Variants in PEX14 observed in about 807,000 individuals in gnomAD.
PEX14 encodes peroxisomal biogenesis factor 14.
In PEX14, 15 loss-of-function variants were observed where a neutral mutation model predicts 49.5. The ratio of observed to expected loss-of-function variants is 0.30; its 90% CI spans 0.20 to 0.47. PEX14 has a LOEUF of 0.47. Ranked by LOEUF, PEX14 falls within the 20% of genes least tolerant of loss-of-function variation. The pLI is 1.00. For missense variants in PEX14, 398 were observed against 494.8 expected (o/e 0.80, Z 1.86); for synonymous variants, 210 against 212.7 (o/e 0.99, Z 0.11).
intron 1 of PEX14, among the ~76,000 whole-genome samples, chr1:10,482,851 G>A (rs1641305517): frequency 6.6e-6 from 1 of 152,190 alleles, no homozygotes; most frequent in Non-Finnish European, 1.5e-5. Context: ...CATTTCTGGT[G>A]AGTTCATCTA....
intron 2 of PEX14, among the ~76,000 whole-genome samples, chr1:10,508,150 AC>A (rs1641819580): frequency 6.6e-6 from 1 of 151,672 alleles, no homozygotes; most frequent in Non-Finnish European, 1.5e-5. Flanking sequence ...ATTCTAAATG[AC>A]TTATTTCAGA....
rs150403458 is a variant in PEX14 at position 10,559,606 on chromosome 1, C to T, written c.169+23309C>T. Among the ~76,000 whole-genome samples the T allele has an allele frequency of 9.0e-3, 1,365 of 152,156 alleles. 24 individuals are homozygous for T. The highest frequency in any genetic ancestry group is 0.031 in the African/African-American group (1,301 of 41,512). On this transcript the variant is annotated intron_variant, in intron 3 of 8. Coordinates refer to ENST00000356607, the MANE Select transcript of PEX14 (RefSeq NM_004565.3). ...ACGGCTGCTGCAGCTCTCAACACCA[C>T]GGCAGCCTCCCCCCACCACCACCCA...
intron 5 of PEX14, among the ~76,000 whole-genome samples, chr1:10,619,163 A>T (rs778133147): frequency 6.6e-5 from 10 of 151,568 alleles, no homozygotes; most frequent in Non-Finnish European, 1.5e-5. Context: ...GTGAACATTG[A>T]CTCCCTTGTG....
At chr1:10,487,921 C>G (rs1313231071) in intron 1 of PEX14, among the ~76,000 whole-genome samples, 2 of 151,984 alleles carry the variant, frequency 1.3e-5, no homozygotes, top group African/African-American at 4.8e-5. Flanking sequence ...GCTGGGATTA[C>G]AGGCATGTGT....
At chr1:10,620,633 C>T (rs745390867) in intron 5 of PEX14, among the ~76,000 whole-genome samples, 5 of 152,022 alleles carry the variant, frequency 3.3e-5, no homozygotes, top group Admixed American at 2.0e-4. Flanking sequence ...ACTGATAATA[C>T]AAAAATTAGC....
rs1641327701 is a variant in PEX14 at position 10,613,456 on chromosome 1, T to C, written c.299-4876T>C. 6.6e-6 allele frequency among the ~76,000 whole-genome samples: 1 copy of C among 152,192 alleles called. No individual in the cohort carries two copies. Among genetic ancestry groups the C allele is most frequent in the Non-Finnish European group, 1.5e-5 (1 of 68,026 alleles). On this transcript the variant is annotated intron_variant, in intron 4 of 8. Transcript: ENST00000356607. This position sits in a 1 kb window ranked among gnomAD's most constrained non-coding sequence, Gnocchi z 5.0. ...TGGGTTTTGAAGAGCTCCATGCCCT[T>C]TGCTCTATAGCAGTTTATCCCCTGA...
intron 2 of PEX14, among the ~76,000 whole-genome samples, chr1:10,501,448 G>A (rs1641676362): frequency 6.6e-6 from 1 of 152,152 alleles, no homozygotes; most frequent in Non-Finnish European, 1.5e-5. Context: ...TGGGACTACA[G>A]GCGCCCGCCA....
chr1:10,620,900 A>C (rs1436884900), intron 5 of PEX14, among the ~76,000 whole-genome samples: 1 of 152,222 alleles, frequency 6.6e-6, no homozygotes, highest in East Asian at 1.9e-4. Flanking sequence ...ACTGTATACA[A>C]GCACCAAGAA....
At chr1:10,528,455 TG>T (rs1266769815) in intron 2 of PEX14, 1 of 189,752 alleles carries the variant, frequency 5.3e-6, no homozygotes, top group Admixed American at 6.5e-5. Flanking sequence ...AGGGAGGTGC[TG>T]GGGACTGTGT....
chr1:10,625,459 C>G (rs1641716759), intron 7 of PEX14, among the ~76,000 whole-genome samples: 1 of 152,232 alleles, frequency 6.6e-6, no homozygotes, highest in Non-Finnish European at 1.5e-5. Context: ...AGATCTTTTG[C>G]ATTTGCAAAA....
chr1:10,555,077 G>A (rs928160042), intron 3 of PEX14, among the ~76,000 whole-genome samples: 1 of 151,944 alleles, frequency 6.6e-6, no homozygotes, highest in African/African-American at 2.4e-5. Context: ...GCTGGCCATC[G>A]CGGGAACACA....
intron 4 of PEX14, among the ~76,000 whole-genome samples, chr1:10,605,715 A>G (rs1263658642): frequency 1.3e-5 from 2 of 152,196 alleles, no homozygotes. Flanking sequence ...TGTCTCTTCC[A>G]TTTCTCTCTC....
intron 2 of PEX14, among the ~76,000 whole-genome samples, chr1:10,513,901 TC>T (rs1641926464): frequency 6.6e-6 from 1 of 152,200 alleles, no homozygotes; most frequent in African/African-American, 2.4e-5. Context: ...CACTGGGATC[TC>T]CCAGGCAGGA....
intron 2 of PEX14, among the ~76,000 whole-genome samples, chr1:10,506,149 GTC>G: frequency 6.6e-6 from 1 of 152,210 alleles, no homozygotes. Flanking sequence ...TCCTCAGCCA[GTC>G]TCTCCCACAC....
chr1:10,526,350 C>T (rs1638483301), intron 2 of PEX14, among the ~76,000 whole-genome samples: 1 of 151,502 alleles, frequency 6.6e-6, no homozygotes, highest in African/African-American at 2.4e-5. Context: ...TCCCAAGTAA[C>T]TGGGATTACA....
At chr1:10,497,983 AAAAAG>A (rs1641599098) in intron 2 of PEX14, among the ~76,000 whole-genome samples, 1 of 152,216 alleles carries the variant, frequency 6.6e-6, no homozygotes, top group Admixed American at 6.5e-5. Context: ...CCCCTTATTA[AAAAAG>A]TAAGTTACTG....
intron 2 of PEX14, among the ~76,000 whole-genome samples, chr1:10,515,005 G>A (rs1231057039): frequency 1.3e-5 from 2 of 152,188 alleles, no homozygotes; most frequent in Non-Finnish European, 2.9e-5. Context: ...CCCCTGTGTA[G>A]GTGGGAAGAG....
intron 4 of PEX14, among the ~76,000 whole-genome samples, chr1:10,608,118 CCA>C (rs1220750404): frequency 6.6e-6 from 1 of 152,130 alleles, no homozygotes; most frequent in African/African-American, 2.4e-5. Flanking sequence ...CAGGTGTGTG[CCA>C]CCACACCTGG....
At position 10,539,848 on chromosome 1, in the gene PEX14, A is replaced by AG. The variant is rs1452700617; in HGVS notation, c.169+3557dup. On this transcript the variant is annotated intron_variant, in intron 3 of 8. Transcript: ENST00000356607. The surrounding 1 kb of genome is among the most constrained non-coding windows in gnomAD (Gnocchi z 4.6). Reference sequence around the variant, plus strand: ...TGGGTAATAGTGATGCTTGCTTGTGAGGGGGGTGAGGTGGGGGAGGGGGAT... The same window carrying AG: ...TGGGTAATAGTGATGCTTGCTTGTGAGGGGGGGTGAGGTGGGGGAGGGGGAT... Among the ~76,000 whole-genome samples, 5 of 66,466 alleles carry AG rather than the reference A, an allele frequency of 7.5e-5. No individual in the cohort carries two copies. The highest frequency in any genetic ancestry group is 1.2e-4 in the Non-Finnish European group (4 of 34,176). 43.6% of individuals were successfully genotyped at this position (66,466 alleles called of 152,430 possible). A position where few individuals can be genotyped will look rare whatever the true frequency, so the allele number is the denominator to read the frequency against.
Sources: gnomAD v4.1 joint callset for allele counts (sites outside exome capture counted in the v4.1 genomes callset) on GRCh38, gnomAD v4.1.1 for gene constraint, Gnocchi (gnomAD v3.1) non-coding constraint, MANE v1.5 for transcripts, NCBI Gene and HGNC (gene_info 2026-07-23, HGNC 2026-07-21) for gene names.